SLC35A3: variants seen among roughly 807,000 people sequenced by gnomAD.
SLC35A3 encodes UDP-N-acetylglucosamine transporter.
SLC35A3 carries 26 observed loss-of-function variants against 39.0 expected under a neutral mutation model. The observed-to-expected ratio is 0.67, with a 90% CI of 0.49 to 0.92. The LOEUF (loss-of-function observed/expected upper bound fraction) is 0.92. Ranked by LOEUF, SLC35A3 falls within the 40% of genes least tolerant of loss-of-function variation. The pLI is 0.00. For synonymous variants in SLC35A3, 135 were observed against 133.1 expected (o/e 1.01, Z -0.10); for missense variants, 299 against 371.6 (o/e 0.80, Z 1.61).
At chr1:99,983,281 C>G (rs1412961324) in intron 1 of SLC35A3, among the ~76,000 whole-genome samples, 1 of 152,014 alleles carries the variant, frequency 6.6e-6, no homozygotes, top group East Asian at 1.9e-4. Flanking sequence ...TGGCTCATGC[C>G]TGTAATCCCA....
In SLC35A3 at chr1:100,033,989, G is replaced by A. The variant is rs1661377538; in HGVS notation, c.*11513G>A. 6.6e-6 allele frequency: 1 copy of A among 152,124 alleles called. No individual in the cohort carries two copies. The highest frequency in any genetic ancestry group is 1.5e-5 in the Non-Finnish European group (1 of 68,020). 9.4% of individuals were successfully genotyped at this position (152,124 alleles called of 1,614,324 possible). ...TGACATGTTTAAAATTTCTTCTGGA[G>A]CCTAGATACTTAAAGTACACCTTGG... On this transcript the variant is annotated 3_prime_UTR_variant, in exon 8 of 8. Transcript: ENST00000533028.
chr1:100,020,167 T>C (rs1660437147), intron 7 of SLC35A3, among the ~76,000 whole-genome samples: 1 of 152,206 alleles, frequency 6.6e-6, no homozygotes, highest in Admixed American at 6.5e-5. Flanking sequence ...ATCCTTGAAG[T>C]AATCATTACA....
chr1:100,006,890 A>G (rs1412085655), intron 3 of SLC35A3, 144 bp from the exon 4 acceptor site: 1 of 916,470 alleles, frequency 1.1e-6, no homozygotes, highest in Non-Finnish European at 1.6e-6. Flanking sequence ...ACTGGCATTA[A>G]CTGAAGCTTT....
intron 1 of SLC35A3, chr1:99,978,972 G>A (rs542449495): frequency 2.0e-5 from 3 of 152,264 alleles, no homozygotes; most frequent in East Asian, 3.9e-4. Flanking sequence ...ACTAAAGTTC[G>A]AACGTTATGG....
intron 4 of SLC35A3, chr1:100,009,589 T>C (rs779734280): frequency 6.6e-6 from 1 of 152,114 alleles, no homozygotes; most frequent in Non-Finnish European, 1.5e-5. Context: ...GCAGGACAGA[T>C]TGGTGGGGAG....
At chr1:100,003,277 A>C (rs537293913) in intron 3 of SLC35A3, among the ~76,000 whole-genome samples, 6 of 152,048 alleles carry the variant, frequency 3.9e-5, no homozygotes, top group East Asian at 1.9e-4. Flanking sequence ...TTGGCCAAGC[A>C]TGGTGGCGGG....
At chr1:99,974,264 G>A (rs1009900561) in intron 1 of SLC35A3, among the ~76,000 whole-genome samples, 1 of 152,096 alleles carries the variant, frequency 6.6e-6, no homozygotes, top group African/African-American at 2.4e-5. Flanking sequence ...ATAAGGCATT[G>A]TAGTATAATA....
chr1:99,992,104 TA>T lies in SLC35A3; in HGVS notation c.-18-1432del, dbSNP rs1658124867. ...GGTGGTTGATAGTGTTCAGATTTTC[TA>T]TATTCTTACTGGGTTTTCTTTTTTG... On this transcript the variant is annotated intron_variant, in intron 1 of 7. Coordinates refer to ENST00000533028, the MANE Select transcript of SLC35A3 (RefSeq NM_012243.3). Among the ~76,000 whole-genome samples the T allele has an allele frequency of 2.0e-5, 3 of 152,236 alleles. 1 individual carries two copies. In the South Asian group the frequency reaches 6.2e-4, roughly 32 times the overall value.
intron 1 of SLC35A3, among the ~76,000 whole-genome samples, chr1:99,972,604 G>A (rs1656883348): frequency 1.3e-5 from 2 of 151,982 alleles, no homozygotes; most frequent in African/African-American, 4.8e-5. Flanking sequence ...CTAAAGTGCT[G>A]GAATTACAGG....
chr1:99,997,410 T>TCATATATATATA (rs1658469252), intron 2 of SLC35A3, among the ~76,000 whole-genome samples: 1 of 92,104 alleles, frequency 1.1e-5, no homozygotes, highest in East Asian at 3.1e-4. Flanking sequence ...ATATATAGTT[T>TCATATATATATA]TATATATATA....
chr1:99,991,176 C>T (rs748177930), intron 1 of SLC35A3, among the ~76,000 whole-genome samples: 3 of 152,172 alleles, frequency 2.0e-5, no homozygotes. Context: ...GATGATGTCT[C>T]GCTCTGTCGT....
Position 99,978,306 on chromosome 1 carries a change from G to A in SLC35A3, c.-19+8144G>A, listed in dbSNP as rs550999292. On this transcript the variant is annotated intron_variant, in intron 1 of 7. Coordinates refer to ENST00000533028, the MANE Select transcript of SLC35A3 (RefSeq NM_012243.3). ...TGTGGGAAGCTGAGGCAGGAGGATG[G>A]CCTGAGCCTGAGACCAGCCTGGGCA... is the stretch of plus-strand genomic sequence containing the variant. Among the ~76,000 whole-genome samples the A allele has an allele frequency of 2.0e-5, 3 of 152,212 alleles. No homozygotes were observed. In the East Asian group the frequency reaches 5.8e-4, roughly 29 times the overall value.
chr1:99,988,773 A>C (rs1570580893), intron 1 of SLC35A3, among the ~76,000 whole-genome samples: 1 of 139,948 alleles, frequency 7.1e-6, no homozygotes, highest in Non-Finnish European at 1.5e-5. Context: ...TCTCTCCTAT[A>C]CTCTTTTTAT....
At chr1:99,984,029 C>T (rs1362998656) in intron 1 of SLC35A3, among the ~76,000 whole-genome samples, 1 of 151,796 alleles carries the variant, frequency 6.6e-6, no homozygotes. Context: ...GGTGGATATC[C>T]CAATTAACCC....
Position 100,028,749 on chromosome 1 carries a change from T to G in SLC35A3, c.*6273T>G, listed in dbSNP as rs1661058238. ...AAATTGCCTTCAATTACCAAAGATT[T>G]GAGCTTCTGCTATGGCTGAGAGTGT... On this transcript the variant is annotated 3_prime_UTR_variant, in exon 8 of 8. Transcript: ENST00000533028. 6.6e-6 allele frequency: 1 copy of G among 152,242 alleles called. No homozygotes were observed. The highest frequency in any genetic ancestry group is 1.5e-5 in the Non-Finnish European group (1 of 68,054). 9.4% of individuals were successfully genotyped at this position (152,242 alleles called of 1,614,324 possible).
At position 100,033,600 on chromosome 1, in the gene SLC35A3, A is replaced by G. The variant is rs1393487868; in HGVS notation, c.*11124A>G. ...GTATGCTCTAATTTATACTGATAAC[A>G]TTTTATATAATGCATTTAGAGTCCC... On this transcript the variant is annotated 3_prime_UTR_variant, in exon 8 of 8. Coordinates refer to ENST00000533028, the MANE Select transcript of SLC35A3 (RefSeq NM_012243.3). The G allele has an allele frequency of 2.0e-5, 3 of 152,104 alleles. No homozygotes were observed. Among genetic ancestry groups the G allele is most frequent in the African/African-American group, 7.2e-5 (3 of 41,428 alleles). The allele number at this position is 152,104 out of a possible 1,614,324, so 9.4% of individuals were successfully genotyped here. A position where few individuals can be genotyped will look rare whatever the true frequency, so the allele number is the denominator to read the frequency against.
chr1:100,016,027 G>C (rs1428186244), intron 6 of SLC35A3, among the ~76,000 whole-genome samples: 1 of 151,732 alleles, frequency 6.6e-6, no homozygotes, highest in Admixed American at 6.6e-5. Context: ...AGATGGCAAA[G>C]GATAGTTGTG....
intron 1 of SLC35A3, among the ~76,000 whole-genome samples, chr1:99,988,450 A>T (rs1379445203): frequency 6.6e-6 from 1 of 152,136 alleles, no homozygotes; most frequent in African/African-American, 2.4e-5. Flanking sequence ...CATTTGGAGT[A>T]TTTCATTTCT....
In SLC35A3 at chr1:100,025,640, G is replaced by A. The variant is rs1010664511; in HGVS notation, c.*3164G>A. ...AAAAGTAATCATACATGAGAAGGTA[G>A]ACCTGTGCCCTAGGATCATGTCACA... On this transcript the variant is annotated 3_prime_UTR_variant, in exon 8 of 8. Coordinates refer to ENST00000533028, the MANE Select transcript of SLC35A3 (RefSeq NM_012243.3). 1.3e-5 allele frequency: 2 copies of A among 152,154 alleles called. No individual in the cohort carries two copies. The highest frequency in any genetic ancestry group is 4.8e-5 in the African/African-American group (2 of 41,446). The allele number at this position is 152,154 out of a possible 1,614,324, so 9.4% of individuals were successfully genotyped here.
Sources: allele counts gnomAD v4.1 joint callset (sites outside exome capture counted in the v4.1 genomes callset), GRCh38; gene constraint gnomAD v4.1.1; transcripts MANE v1.5; gene names NCBI Gene and HGNC (gene_info 2026-07-23, HGNC 2026-07-21).